DTX2: variants seen among roughly 807,000 people sequenced by gnomAD.
DTX2 encodes deltex E3 ubiquitin ligase 2.
DTX2 carries 29 observed loss-of-function variants against 55.3 expected under a neutral mutation model. The ratio of observed to expected loss-of-function variants is 0.52; its 90% CI spans 0.39 to 0.71. The LOEUF (loss-of-function observed/expected upper bound fraction) is 0.71, where lower values mean the gene tolerates loss of function less well. Ranked by LOEUF, DTX2 falls within the 30% of genes least tolerant of loss-of-function variation. The pLI is 0.00. For missense variants in DTX2, 537 were observed against 822.5 expected, an observed-to-expected ratio of 0.65 and a Z score of 4.25; for synonymous variants, 276 against 340.4, an observed-to-expected ratio of 0.81 and a Z score of 2.08.
intron 5 of DTX2, among the ~76,000 whole-genome samples, chr7:76,495,378 T>G (rs547656205): frequency 3.5e-4 from 53 of 151,306 alleles, no homozygotes; most frequent in African/African-American, 1.2e-3. Flanking sequence ...TCTTCAGGGC[T>G]CTGACAGCGG....
intron 2 of DTX2, among the ~76,000 whole-genome samples, chr7:76,478,420 T>C (rs1808785468): frequency 6.8e-6 from 1 of 146,920 alleles, no homozygotes; most frequent in Non-Finnish European, 1.5e-5. Flanking sequence ...TCTGATTTTT[T>C]TTTTTTTTTT....
chr7:76,488,789 A>G lies in DTX2; in HGVS notation c.909-3364A>G, dbSNP rs1799158. ...CGGGCACCTGTAATCCCAGCTACTC[A>G]GGAGGCTGAGGCAGGAGAATTGCTT... On this transcript the variant is annotated intron_variant, in intron 4 of 10. Coordinates refer to ENST00000430490, the MANE Select transcript of DTX2 (RefSeq NM_001102594.3). 9.9e-4 allele frequency among the ~76,000 whole-genome samples: 79 copies of G among 79,490 alleles called. 5 individuals carry two copies. Among genetic ancestry groups the G allele is most frequent in the Middle Eastern group, 8.2e-3 (1 of 122 alleles). The allele number at this position is 79,490 out of a possible 152,430, so 52.1% of individuals were successfully genotyped here.
At chr7:76,500,121 G>A (rs1253234771) in intron 6 of DTX2, 1 of 345,036 alleles carries the variant, frequency 2.9e-6, no homozygotes, top group East Asian at 7.6e-5. Flanking sequence ...CAGAAGCGCC[G>A]GGGTCGGTTC....
intron 7 of DTX2, chr7:76,501,272 T>C: frequency 2.2e-6 from 1 of 455,960 alleles, no homozygotes; most frequent in Non-Finnish European, 4.4e-6. Flanking sequence ...TCCAGTCTGT[T>C]GAGTCCATGA....
At chr7:76,467,805 G>A (rs1192541635) in intron 2 of DTX2, among the ~76,000 whole-genome samples, 3 of 150,708 alleles carry the variant, frequency 2.0e-5, no homozygotes, top group Admixed American at 6.7e-5. Flanking sequence ...GAGCGGGAGC[G>A]AACTTAGGAA....
In DTX2 at chr7:76,482,782, G is replaced by C; in HGVS notation, c.543G>C (p.Pro181=). Residue 181 remains proline (P), a synonymous_variant, in exon 4 of 11, where the codon CCG becomes CCC. Coordinates refer to ENST00000430490, the MANE Select transcript of DTX2 (RefSeq NM_001102594.3). ...GGCGCCAAGCAGGGCCGCCTTACCC[G>C]GTGACCACCATCATCGCTCCGCCGG... The part of the protein sequence containing the change: ...SVRRQAGPPY[P]VTTIIAPPGH... 1 of 1,611,574 alleles carries C rather than the reference G, an allele frequency of 6.2e-7. No homozygotes were observed. The highest frequency in any genetic ancestry group is 8.5e-7 in the Non-Finnish European group (1 of 1,179,352).
chr7:76,461,819 T>G lies in DTX2; in HGVS notation c.-272T>G, dbSNP rs1305911640. On this transcript the variant is annotated 5_prime_UTR_variant, in exon 1 of 11. Coordinates refer to ENST00000430490, the MANE Select transcript of DTX2 (RefSeq NM_001102594.3). ...CGGTGGTGCCCTCAGCCCCGTCCTC[T>G]TGTCCTCCTCAGCCTCGGTGAGAGG... 1 of 151,768 alleles carries G rather than the reference T, an allele frequency of 6.6e-6. No homozygotes were observed. The highest frequency in any genetic ancestry group is 2.4e-5 in the African/African-American group (1 of 41,406). The allele number at this position is 151,768 out of a possible 1,614,324, so 9.4% of individuals were successfully genotyped here.
intron 2 of DTX2, among the ~76,000 whole-genome samples, chr7:76,472,481 C>T (rs1222159118): frequency 6.9e-6 from 1 of 145,758 alleles, no homozygotes; most frequent in African/African-American, 2.6e-5. Flanking sequence ...TGCATGCCAC[C>T]ATGCCCAGCT....
At position 76,482,757 on chromosome 7, in the gene DTX2, G is replaced by A. The variant is rs1052428681; in HGVS notation, c.518G>A (p.Arg173Gln). Residue 173 changes from arginine to glutamine, a missense_variant, in exon 4 of 11, where the codon CGG becomes CAG. Coordinates refer to ENST00000430490, the MANE Select transcript of DTX2 (RefSeq NM_001102594.3). ...NKTSSFCRSVRRQAGPPYPVT... is the reference protein window; with the variant it reads ...NKTSSFCRSVQRQAGPPYPVT... Reference sequence around the variant, plus strand: ...ACTTCCAGCTTCTGCCGCAGCGTGCGGCGCCAAGCAGGGCCGCCTTACCCG... The same window carrying A: ...ACTTCCAGCTTCTGCCGCAGCGTGCAGCGCCAAGCAGGGCCGCCTTACCCG... The A allele has an allele frequency of 3.3e-5, 54 of 1,613,718 alleles. No homozygotes were observed. The highest frequency in any genetic ancestry group is 1.6e-4 in the Middle Eastern group (1 of 6,076).
chr7:76,469,614 C>T (rs1248465130), intron 2 of DTX2, among the ~76,000 whole-genome samples: 8 of 149,810 alleles, frequency 5.3e-5, no homozygotes, highest in African/African-American at 1.5e-4. Flanking sequence ...AGGATGGTCT[C>T]GCTCTCCTGA....
chr7:76,505,355 C>T lies in DTX2; in HGVS notation c.1642-19C>T, dbSNP rs1166426208. On this transcript the variant is annotated intron_variant, in intron 10 of 10. Transcript: ENST00000430490. This position sits in a 1 kb window ranked among gnomAD's most constrained non-coding sequence, Gnocchi z 4.4. ...TCTCCGTCCCCTCCTTCCTCTTCCC[C>T]CTCCTCCTCCCCGGGCAGGTCCTAG... The T allele has an allele frequency of 1.7e-5, 26 of 1,552,482 alleles. No homozygotes were observed. Among genetic ancestry groups the T allele is most frequent in the Non-Finnish European group, 2.0e-5 (23 of 1,146,514 alleles).
At chr7:76,481,727 T>C (rs958985530) in intron 3 of DTX2, among the ~76,000 whole-genome samples, 17 of 151,832 alleles carry the variant, frequency 1.1e-4, no homozygotes, top group Non-Finnish European at 2.1e-4. Context: ...GGGCTGGCCC[T>C]GCAGTAAGGA....
intron 2 of DTX2, among the ~76,000 whole-genome samples, chr7:76,473,023 G>T (rs1808129417): frequency 6.6e-6 from 1 of 151,698 alleles, no homozygotes; most frequent in South Asian, 2.1e-4. Flanking sequence ...AGAGATGGGG[G>T]TCTCTCTGTG....
rs751685365 is a variant in DTX2, at chr7:76,480,787, T to C, written c.268+10T>C. On this transcript the variant is annotated intron_variant, in intron 3 of 10. Coordinates refer to ENST00000430490, the MANE Select transcript of DTX2 (RefSeq NM_001102594.3). ...TTCCGCCAGGACACCGGTAAGACGC[T>C]GTCTGCCTCTCGCACATATCTGGGT... The C allele has an allele frequency of 6.3e-6, 10 of 1,584,376 alleles. No individual in the cohort carries two copies. The East Asian group carries it at 9.0e-5, about 14-fold the overall frequency.
chr7:76,480,503 T>C lies in DTX2; in HGVS notation c.-7T>C. On this transcript the variant is annotated 5_prime_UTR_variant, in exon 3 of 11. Coordinates refer to ENST00000430490, the MANE Select transcript of DTX2 (RefSeq NM_001102594.3). ...TGTTTGGGAAAGCAGCGGGACTCCT[T>C]GGGAAGATGGCCATGGCCCCAAGCC... The C allele has an allele frequency of 6.3e-7, 1 of 1,576,082 alleles. No individual in the cohort carries two copies. Among genetic ancestry groups the C allele is most frequent in the Non-Finnish European group, 8.6e-7 (1 of 1,160,396 alleles).
In DTX2 at chr7:76,482,886, A is replaced by G. The variant is rs778090809; in HGVS notation, c.647A>G (p.His216Arg). ...GGCCCCGTGTCAGGCCGCTACCGCC[A>G]CTCCATGACCAACCTCCCTGCATAC... ...RTGPVSGRYR[H>R]SMTNLPAYPV... Residue 216 changes from histidine (H) to arginine (R), a missense_variant, in exon 4 of 11, where the codon CAC (histidine) becomes CGC (arginine). By Grantham distance (29) the His-to-Arg change is conservative. This residue lies in a region of DTX2 where 301 missense variants were observed against 396.6 expected (regional missense o/e 0.76). Transcript: ENST00000430490. The G allele has an allele frequency of 1.2e-5, 20 of 1,613,290 alleles. No homozygotes were observed. Among genetic ancestry groups the G allele is most frequent in the Non-Finnish European group, 1.5e-5 (18 of 1,179,668 alleles).
chr7:76,486,845 G>GGGCGGC (rs57887395), intron 4 of DTX2, among the ~76,000 whole-genome samples: 2,753 of 147,860 alleles, frequency 0.019, 9 homozygotes, highest in African/African-American at 0.061. Context: ...CTGTTGTGGT[G>GGGCGGC]GGCTGCTGCT....
chr7:76,481,848 GTGTTTGTT>G (rs66658628), intron 3 of DTX2, among the ~76,000 whole-genome samples: 5 of 145,288 alleles, frequency 3.4e-5, no homozygotes, highest in African/African-American at 7.7e-5. Flanking sequence ...TTTTTTTTTC[GTGTTTGTT>G]TGTTTGTTTG....
chr7:76,495,484 C>T (rs1274651711), intron 5 of DTX2, among the ~76,000 whole-genome samples: 3 of 152,146 alleles, frequency 2.0e-5, no homozygotes, highest in Non-Finnish European at 4.4e-5. Context: ...GTCCCTAGCC[C>T]TCCTCCTCTC....
Sources: allele counts gnomAD v4.1 joint callset (sites outside exome capture counted in the v4.1 genomes callset), GRCh38; gene constraint gnomAD v4.1.1; regional missense constraint gnomAD v4.1.1; non-coding constraint Gnocchi (gnomAD v3.1); transcripts MANE v1.5; gene names NCBI Gene and HGNC (gene_info 2026-07-23, HGNC 2026-07-21).